Variants in CERS6 observed in about 807,000 individuals in gnomAD.
CERS6 encodes the protein LAG1 homolog, ceramide synthase 6.
A neutral mutation model predicts 56.8 loss-of-function variants in CERS6; 26 were observed. That is an observed-to-expected ratio of 0.46 (90% confidence interval 0.34 to 0.63). The LOEUF (loss-of-function observed/expected upper bound fraction) is 0.63, where lower values mean the gene tolerates loss of function less well. Ranked by LOEUF, CERS6 falls within the 30% of genes least tolerant of loss-of-function variation. The pLI, the probability that CERS6 is intolerant of heterozygous loss-of-function variation, is 0.01. For synonymous variants in CERS6, 164 were observed against 173.3 expected (o/e 0.95, Z 0.42); for missense variants, 415 against 467.5 (o/e 0.89, Z 1.04).
intron 1 of CERS6, among the ~76,000 whole-genome samples, chr2:168,457,811 C>T (rs901245833): frequency 2.0e-5 from 3 of 152,092 alleles, no homozygotes; most frequent in African/African-American, 7.2e-5. Flanking sequence ...TGCTGCTGGA[C>T]GAGGCAACAA....
At chr2:168,746,911 A>T (rs1313272416) in intron 8 of CERS6, among the ~76,000 whole-genome samples, 1 of 149,592 alleles carries the variant, frequency 6.7e-6, no homozygotes, top group Non-Finnish European at 1.5e-5. Context: ...CTCATTAGAG[A>T]ACATTTGGAA....
chr2:168,680,923 A>T (rs886105881), intron 4 of CERS6, among the ~76,000 whole-genome samples: 1 of 152,212 alleles, frequency 6.6e-6, no homozygotes, highest in Non-Finnish European at 1.5e-5. Flanking sequence ...CTATGTCCTT[A>T]ACCACTTGTG....
chr2:168,503,858 T>C (rs920515791), intron 1 of CERS6, among the ~76,000 whole-genome samples: 1 of 152,134 alleles, frequency 6.6e-6, no homozygotes, highest in Non-Finnish European at 1.5e-5. Context: ...AGTTGTGCCA[T>C]CAAAGACAAG....
intron 3 of CERS6, among the ~76,000 whole-genome samples, chr2:168,629,211 G>A (rs1407624384): frequency 1.3e-5 from 2 of 152,150 alleles, no homozygotes; most frequent in African/African-American, 4.8e-5. Context: ...ATGATGGTAG[G>A]AATTCCAATG....
rs1693652391 is a variant in CERS6 at position 168,456,403 on chromosome 2, G to A, written c.-46G>A. On this transcript the variant is annotated 5_prime_UTR_variant, in exon 1 of 10. Transcript: ENST00000305747. This position sits in a 1 kb window ranked among gnomAD's most constrained non-coding sequence, Gnocchi z 4.1. The stretch of plus-strand genomic sequence containing the variant: ...CCCCGGGCGCCCTGCGCGGTGGAGA[G>A]CTTGGCGGGCTGCGGGTGCCGCAGG... 2 of 1,526,596 alleles carry A rather than the reference G, an allele frequency of 1.3e-6. No individual in the cohort carries two copies. The highest frequency in any genetic ancestry group is 1.8e-6 in the Non-Finnish European group (2 of 1,129,568). 94.6% of individuals were successfully genotyped at this position (1,526,596 alleles called of 1,614,324 possible). A position where few individuals can be genotyped will look rare whatever the true frequency, so the allele number is the denominator to read the frequency against.
intron 6 of CERS6, among the ~76,000 whole-genome samples, chr2:168,711,880 G>C (rs1004863905): frequency 6.6e-6 from 1 of 152,068 alleles, no homozygotes; most frequent in African/African-American, 2.4e-5. Context: ...TGGTCCTGTC[G>C]ATAAGACCCT....
intron 8 of CERS6, among the ~76,000 whole-genome samples, chr2:168,729,666 C>T (rs907549223): frequency 1.8e-4 from 28 of 152,222 alleles, no homozygotes; most frequent in African/African-American, 6.3e-4. Flanking sequence ...TTGGCAGAAC[C>T]TCTTCCATGC....
chr2:168,493,092 A>G (rs558949834), intron 1 of CERS6, among the ~76,000 whole-genome samples: 18 of 152,156 alleles, frequency 1.2e-4, no homozygotes, highest in Non-Finnish European at 2.5e-4. Context: ...ATTTTTCTCC[A>G]TTTGTTACAA....
intron 4 of CERS6, among the ~76,000 whole-genome samples, chr2:168,672,797 T>A (rs1685955675): frequency 6.6e-6 from 1 of 152,194 alleles, no homozygotes; most frequent in Admixed American, 6.5e-5. Context: ...CTATCCTACT[T>A]GTATCTTGCA....
At chr2:168,628,215 A>G (rs1574110881) in intron 3 of CERS6, among the ~76,000 whole-genome samples, 1 of 152,128 alleles carries the variant, frequency 6.6e-6, no homozygotes, top group Admixed American at 6.5e-5. Flanking sequence ...TACTTAGTAG[A>G]CCCATGCTGC....
intron 8 of CERS6, among the ~76,000 whole-genome samples, chr2:168,744,573 C>G (rs1684043223): frequency 6.6e-6 from 1 of 152,044 alleles, no homozygotes; most frequent in Non-Finnish European, 1.5e-5. Context: ...CCTGAATTAT[C>G]TATGAGTTGG....
intron 4 of CERS6, among the ~76,000 whole-genome samples, chr2:168,653,420 A>G (rs1256434925): frequency 6.6e-6 from 1 of 152,244 alleles, no homozygotes; most frequent in Non-Finnish European, 1.5e-5. Context: ...ACATTCAGGC[A>G]TACCTAGAAT....
chr2:168,620,404 T>A (rs983992483), intron 3 of CERS6, among the ~76,000 whole-genome samples: 1 of 151,830 alleles, frequency 6.6e-6, no homozygotes, highest in Non-Finnish European at 1.5e-5. Flanking sequence ...TAACACCTAT[T>A]CCTCAAAAAC....
rs748374393 is a variant in CERS6, at chr2:168,711,964, T to TAACTG, written c.610-3034_610-3030dup. Among the ~76,000 whole-genome samples the TAACTG allele has an allele frequency of 2.5e-3, 377 of 151,814 alleles. 1 individual carries two copies. Among genetic ancestry groups the TAACTG allele is most frequent in the African/African-American group, 8.5e-3 (353 of 41,470 alleles). Reference sequence around the variant, plus strand: ...ACAGACAAACCAAACAAAAAAATAATAACTGAATTGGAGAATAGAAATTAG... The same window carrying TAACTG: ...ACAGACAAACCAAACAAAAAAATAATAACTGAACTGAATTGGAGAATAGAAATTAG... On this transcript the variant is annotated intron_variant, in intron 6 of 9. Transcript: ENST00000305747.
At chr2:168,496,179 A>C (rs1020944912) in intron 1 of CERS6, among the ~76,000 whole-genome samples, 17 of 152,166 alleles carry the variant, frequency 1.1e-4, no homozygotes, top group Non-Finnish European at 2.4e-4. Context: ...TATTCAATTA[A>C]TCTCCCACTA....
At position 168,773,764 on chromosome 2, in the gene CERS6, C is replaced by G. The variant is rs1260775871; in HGVS notation, c.*4102C>G. The G allele has an allele frequency of 6.6e-6, 1 of 152,178 alleles. No homozygotes were observed. The highest frequency in any genetic ancestry group is 1.9e-4 in the East Asian group (1 of 5,190). 9.4% of individuals were successfully genotyped at this position (152,178 alleles called of 1,614,324 possible). A position where few individuals can be genotyped will look rare whatever the true frequency, so the allele number is the denominator to read the frequency against. On this transcript the variant is annotated 3_prime_UTR_variant, in exon 10 of 10. Transcript: ENST00000305747. ...GAAATTGTGCCATTGTCAAAGTACCCCGTAGTGATGAGCACTGACTGGTTC... is the reference window on the plus strand; with the variant it reads ...GAAATTGTGCCATTGTCAAAGTACCGCGTAGTGATGAGCACTGACTGGTTC...
At chr2:168,533,229 T>C (rs1695198918) in intron 1 of CERS6, among the ~76,000 whole-genome samples, 1 of 152,218 alleles carries the variant, frequency 6.6e-6, no homozygotes, top group African/African-American at 2.4e-5. Context: ...TCTTTTTTTG[T>C]TGTGTCTCTG....
At chr2:168,501,347 G>A (rs532921308) in intron 1 of CERS6, among the ~76,000 whole-genome samples, 1 of 152,338 alleles carries the variant, frequency 6.6e-6, no homozygotes, top group African/African-American at 2.4e-5. Flanking sequence ...GGGGCTGGAG[G>A]GAGTCTTTTA....
chr2:168,658,961 T>C (rs1685560764), intron 4 of CERS6, among the ~76,000 whole-genome samples: 1 of 152,222 alleles, frequency 6.6e-6, no homozygotes. Context: ...TTGTGAAACC[T>C]GTCACTGGAT....
Sources: gnomAD v4.1 joint callset for allele counts (sites outside exome capture counted in the v4.1 genomes callset) on GRCh38, gnomAD v4.1.1 for gene constraint, Gnocchi (gnomAD v3.1) non-coding constraint, MANE v1.5 for transcripts, NCBI Gene and HGNC (gene_info 2026-07-23, HGNC 2026-07-21) for gene names.